FBXL13: variants seen among roughly 807,000 people sequenced by gnomAD.
FBXL13 encodes F-box and leucine-rich repeat protein 13.
In FBXL13, 67 loss-of-function variants were observed where a neutral mutation model predicts 83.6. The ratio of observed to expected loss-of-function variants is 0.80; its 90% CI spans 0.66 to 0.98. The LOEUF is 0.98. FBXL13 is among the 50% of genes least tolerant of loss of function. FBXL13 has a pLI of 0.00. For synonymous variants in FBXL13, 272 were observed against 299.5 expected, an observed-to-expected ratio of 0.91 and a Z score of 0.95; for missense variants, 822 against 866.5, an observed-to-expected ratio of 0.95 and a Z score of 0.64.
At chr7:103,037,299 A>G (rs768552822) in intron 2 of FBXL13, among the ~76,000 whole-genome samples, 7 of 152,184 alleles carry the variant, frequency 4.6e-5, no homozygotes, top group Non-Finnish European at 8.8e-5. Flanking sequence ...ATTATCAACC[A>G]ACTGATTCTT....
intron 2 of FBXL13, among the ~76,000 whole-genome samples, chr7:103,047,552 T>C (rs1796394012): frequency 6.6e-6 from 1 of 152,244 alleles, no homozygotes; most frequent in African/African-American, 2.4e-5. Flanking sequence ...GGTATTTAAT[T>C]AATTTTTTGT....
intron 1 of FBXL13, among the ~76,000 whole-genome samples, chr7:103,069,756 C>T (rs1798750802): frequency 6.6e-6 from 1 of 152,210 alleles, no homozygotes; most frequent in African/African-American, 2.4e-5. Context: ...TTGTTCTTTT[C>T]TCACACAATG....
intron 6 of FBXL13, chr7:102,978,684 C>A: frequency 4.2e-6 from 1 of 236,660 alleles, no homozygotes; most frequent in Non-Finnish European, 8.6e-6. Flanking sequence ...CTCGTGTTGT[C>A]TGTTGGCACA....
At chr7:103,035,861 C>T (rs1456115932) in intron 2 of FBXL13, among the ~76,000 whole-genome samples, 2 of 152,096 alleles carry the variant, frequency 1.3e-5, no homozygotes, top group African/African-American at 2.4e-5. Context: ...TTATAAAGTA[C>T]CATGCCTTTA....
chr7:102,834,095 AAAGAAAGAAAGAAAGAAAG>A (rs1801330699), intron 17 of FBXL13, among the ~76,000 whole-genome samples: 2 of 95,586 alleles, frequency 2.1e-5, no homozygotes, highest in Non-Finnish European at 4.2e-5. Flanking sequence ...GAAAAGAAAG[AAAGAAAGAAAGAAAGAAAG>A]AAAGAAAGAA....
At chr7:102,914,093 C>T (rs1229275046) in intron 10 of FBXL13, among the ~76,000 whole-genome samples, 1 of 152,198 alleles carries the variant, frequency 6.6e-6, no homozygotes, top group African/African-American at 2.4e-5. Context: ...CGAAGTTTCG[C>T]TCTTGTTGCC....
At chr7:102,963,985 G>C (rs777312539) in intron 7 of FBXL13, among the ~76,000 whole-genome samples, 2 of 152,142 alleles carry the variant, frequency 1.3e-5, no homozygotes, top group Non-Finnish European at 2.9e-5. Flanking sequence ...ATGAGAAAAT[G>C]ATCCACATCA....
At chr7:102,859,618 A>G (rs906210520) in intron 16 of FBXL13, among the ~76,000 whole-genome samples, 1 of 151,952 alleles carries the variant, frequency 6.6e-6, no homozygotes, top group African/African-American at 2.4e-5. Flanking sequence ...GTGGGAAGAC[A>G]GGCCAAAAAT....
intron 11 of FBXL13, among the ~76,000 whole-genome samples, chr7:102,910,842 T>C (rs1038542904): frequency 1.3e-5 from 2 of 152,186 alleles, no homozygotes; most frequent in African/African-American, 4.8e-5. Context: ...CGCTGCAGCC[T>C]CAATCTCCCA....
chr7:102,868,167 A>G (rs755260144), intron 16 of FBXL13, among the ~76,000 whole-genome samples: 10 of 152,126 alleles, frequency 6.6e-5, no homozygotes, highest in Non-Finnish European at 1.3e-4. Context: ...CACATTTAGA[A>G]TCCTTTCTTC....
chr7:102,994,435 A>AG (rs1829888317), intron 6 of FBXL13, among the ~76,000 whole-genome samples: 1 of 151,680 alleles, frequency 6.6e-6, no homozygotes. Flanking sequence ...AGGAAAAAAA[A>AG]AAGATATAGA....
chr7:102,896,280 T>A (rs1403777495), intron 11 of FBXL13, among the ~76,000 whole-genome samples: 2 of 152,078 alleles, frequency 1.3e-5, no homozygotes. Flanking sequence ...CTCTAGATAT[T>A]ATGTTGAAAG....
intron 2 of FBXL13, among the ~76,000 whole-genome samples, chr7:103,042,511 G>C (rs924490914): frequency 6.6e-6 from 1 of 152,136 alleles, no homozygotes; most frequent in African/African-American, 2.4e-5. Flanking sequence ...AGCCCACATA[G>C]CCAAGGCAGT....
At chr7:103,049,694 T>A (rs3987943) in intron 2 of FBXL13, among the ~76,000 whole-genome samples, 35 of 152,290 alleles carry the variant, frequency 2.3e-4, no homozygotes, top group African/African-American at 8.4e-4. Context: ...AGCTTGAATA[T>A]CCACTTTTAA....
At position 102,968,233 on chromosome 7, in the gene FBXL13, A is replaced by G. The variant is rs764035381; in HGVS notation, c.496-116T>C. 489 of 622,118 alleles carry G rather than the reference A, an allele frequency of 7.9e-4. 5 individuals carry two copies. Among genetic ancestry groups the G allele is most frequent in the Middle Eastern group, 4.3e-4 (1 of 2,310 alleles). 38.5% of individuals were successfully genotyped at this position (622,118 alleles called of 1,614,324 possible). A position where few individuals can be genotyped will look rare whatever the true frequency, so the allele number is the denominator to read the frequency against. On this transcript the variant is annotated intron_variant, in intron 6 of 19. Transcript: ENST00000313221. Reference sequence around the variant, plus strand: ...TGCGTGCACACACACACGCATTAGTAATAATAAGGTAATCCATACTTTGCA... The same window carrying G: ...TGCGTGCACACACACACGCATTAGTGATAATAAGGTAATCCATACTTTGCA...
chr7:102,878,493 A>G (rs1809565913), intron 14 of FBXL13, 43 bp from the exon 16 acceptor site: 1 of 1,349,434 alleles, frequency 7.4e-7, no homozygotes, highest in Admixed American at 2.1e-5. Flanking sequence ...TTCTATATAT[A>G]AACATATAGA....
chr7:102,896,910 C>A (rs184648786), intron 11 of FBXL13, among the ~76,000 whole-genome samples: 149 of 152,204 alleles, frequency 9.8e-4, no homozygotes, highest in Non-Finnish European at 1.8e-3. Flanking sequence ...TTCCATCAAT[C>A]CATAATAGAT....
At chr7:102,915,974 T>G (rs1016973125) in intron 10 of FBXL13, among the ~76,000 whole-genome samples, 1 of 151,856 alleles carries the variant, frequency 6.6e-6, no homozygotes, top group African/African-American at 2.4e-5. Context: ...AAAGTAGAGA[T>G]GAGTTTCTTC....
intron 11 of FBXL13, among the ~76,000 whole-genome samples, chr7:102,899,976 G>A (rs1812763229): frequency 1.3e-5 from 2 of 151,426 alleles, no homozygotes; most frequent in Admixed American, 6.6e-5. Flanking sequence ...GAACCCAGGA[G>A]GTGGAGGCTG....
Sources: allele counts gnomAD v4.1 joint callset (sites outside exome capture counted in the v4.1 genomes callset), GRCh38; gene constraint gnomAD v4.1.1; transcripts MANE v1.5; gene names NCBI Gene and HGNC (gene_info 2026-07-23, HGNC 2026-07-21).